LNPEP: variants seen among roughly 807,000 people sequenced by gnomAD.
The protein encoded by LNPEP is leucyl-cystinyl aminopeptidase.
In LNPEP, 64 loss-of-function variants were observed where a neutral mutation model predicts 120.6. The observed-to-expected ratio is 0.53, with a 90% CI of 0.43 to 0.65. LNPEP has a LOEUF of 0.65. Ranked by LOEUF, LNPEP falls within the 30% of genes least tolerant of loss-of-function variation. The pLI, the probability that LNPEP is intolerant of heterozygous loss-of-function variation, is 0.00. For synonymous variants in LNPEP, 435 were observed against 425.4 expected (o/e 1.02, Z -0.28); for missense variants, 1,057 against 1,200.0 (o/e 0.88, Z 1.76).
intron 1 of LNPEP, among the ~76,000 whole-genome samples, chr5:96,977,212 T>C (rs1397097139): frequency 1.3e-5 from 2 of 152,084 alleles, no homozygotes; most frequent in Non-Finnish European, 2.9e-5. Context: ...AAAGTTTATT[T>C]TTTAAAGGTA....
intron 4 of LNPEP, among the ~76,000 whole-genome samples, chr5:96,992,358 TAAAAAC>T (rs1790409572): frequency 6.6e-6 from 1 of 152,058 alleles, no homozygotes; most frequent in African/African-American, 2.4e-5. Context: ...ACATGACCCT[TAAAAAC>T]AAGCCAACAA....
chr5:97,008,467 C>T (rs528404571), intron 11 of LNPEP, among the ~76,000 whole-genome samples: 3 of 147,442 alleles, frequency 2.0e-5, no homozygotes, highest in Non-Finnish European at 4.5e-5. Context: ...CCTCCTGCCT[C>T]AGCCTGCCAA....
chr5:96,985,960 A>G (rs561080710), intron 3 of LNPEP, among the ~76,000 whole-genome samples: 1 of 152,174 alleles, frequency 6.6e-6, no homozygotes, highest in Non-Finnish European at 1.5e-5. Context: ...CTTCACCTTC[A>G]TCTTTCTCTA....
rs1161957201 is a variant in LNPEP, at chr5:97,034,719, AT to A, written c.*6193del. 6.6e-6 allele frequency: 1 copy of A among 151,974 alleles called. No homozygotes were observed. The highest frequency in any genetic ancestry group is 2.4e-5 in the African/African-American group (1 of 41,388). 9.4% of individuals were successfully genotyped at this position (151,974 alleles called of 1,614,324 possible). A position where few individuals can be genotyped will look rare whatever the true frequency, so the allele number is the denominator to read the frequency against. ...TTGAGAGGAAAAGGCAAGATATATAATTTTTTTAATGTATATAAATGTTTTG... is the reference window on the plus strand; with the variant it reads ...TTGAGAGGAAAAGGCAAGATATATAATTTTTTAATGTATATAAATGTTTTG... On this transcript the variant is annotated 3_prime_UTR_variant, in exon 18 of 18. Coordinates refer to ENST00000231368, the MANE Select transcript of LNPEP (RefSeq NM_005575.3).
chr5:97,003,320 T>C (rs1436463864), intron 8 of LNPEP, 95 bp from the exon 9 acceptor site: 1 of 733,006 alleles, frequency 1.4e-6, no homozygotes, highest in Non-Finnish European at 2.1e-6. Flanking sequence ...AAGTAAATTT[T>C]TAGAATGACT....
chr5:97,028,436 C>G lies in LNPEP; in HGVS notation c.2981C>G (p.Thr994Ser). Residue 994 changes from threonine to serine, a missense_variant, in exon 18 of 18, where the codon ACC becomes AGC. Thr to Ser is a moderately conservative substitution (Grantham distance 58). Transcript: ENST00000231368. ...QAFFENQSEATFRLRCVQEAL... is the reference protein window; with the variant it reads ...QAFFENQSEASFRLRCVQEAL... ...TTCTTTGAAAATCAGTCAGAGGCAA[C>G]CTTCCGGCTTCGTTGTGTCCAGGAG... The G allele has an allele frequency of 6.2e-7, 1 of 1,613,902 alleles. No homozygotes were observed. The highest frequency in any genetic ancestry group is 8.5e-7 in the Non-Finnish European group (1 of 1,179,790).
chr5:97,005,553 T>G (rs1790759284), intron 9 of LNPEP, among the ~76,000 whole-genome samples: 1 of 152,166 alleles, frequency 6.6e-6, no homozygotes, highest in African/African-American at 2.4e-5. Flanking sequence ...CTGCCGCTGC[T>G]CCCTGGCACT....
chr5:96,948,278 C>T (rs73152153), intron 1 of LNPEP, among the ~76,000 whole-genome samples: 4,000 of 152,106 alleles, frequency 0.026, 176 homozygotes, highest in African/African-American at 0.092. Context: ...CCACCATGCC[C>T]GGCTAATTTT....
chr5:97,011,247 A>G, intron 11 of LNPEP: 1 of 941,834 alleles, frequency 1.1e-6, no homozygotes, highest in Non-Finnish European at 1.3e-6. Flanking sequence ...TTTATTAGAG[A>G]CAGGGTCCTG....
intron 1 of LNPEP, among the ~76,000 whole-genome samples, chr5:96,976,223 TA>T (rs2112601761): frequency 6.6e-6 from 1 of 152,216 alleles, no homozygotes; most frequent in East Asian, 1.9e-4. Flanking sequence ...TTGATATATT[TA>T]ACTTGATATG....
At chr5:97,006,776 A>G (rs1790797790) in intron 11 of LNPEP, among the ~76,000 whole-genome samples, 1 of 152,226 alleles carries the variant, frequency 6.6e-6, no homozygotes, top group Non-Finnish European at 1.5e-5. Context: ...ATGTTTTTAT[A>G]CCCAAGATTA....
chr5:97,026,371 T>C (rs1228864509), intron 15 of LNPEP, among the ~76,000 whole-genome samples: 1 of 152,216 alleles, frequency 6.6e-6, no homozygotes, highest in Non-Finnish European at 1.5e-5. Flanking sequence ...TAAATGTTTT[T>C]ACTATTTAAA....
chr5:96,993,805 T>C lies in LNPEP; in HGVS notation c.1253-12T>C, dbSNP rs369112334. The C allele has an allele frequency of 1.4e-4, 222 of 1,612,722 alleles. No individual in the cohort carries two copies. The highest frequency in any genetic ancestry group is 5.0e-4 in the Middle Eastern group (3 of 6,040). ...GAGGGAAAGTTGATCACTTATTTCC[T>C]GTTATGTCCAGATTTGGTGGCTATT... On this transcript the variant is annotated splice_polypyrimidine_tract_variant and intron_variant, in intron 5 of 17. Transcript: ENST00000231368.
chr5:96,941,530 A>G (rs560042666), intron 1 of LNPEP, among the ~76,000 whole-genome samples: 2 of 152,208 alleles, frequency 1.3e-5, no homozygotes, highest in African/African-American at 4.8e-5. Flanking sequence ...ACTTTTCTGA[A>G]AGTTTGCAAG....
rs778817575 is a variant in LNPEP at position 96,979,435 on chromosome 5, C to G, written c.317C>G (p.Pro106Arg). ...AGCCCAGATGGGGCTTGTTCAGTACCCTCTGCAAGGACCATGGTGGTCTGT... is the reference window on the plus strand; with the variant it reads ...AGCCCAGATGGGGCTTGTTCAGTACGCTCTGCAAGGACCATGGTGGTCTGT... Reference protein sequence around the residue: ...RQSPDGACSVPSARTMVVCAF... With the variant: ...RQSPDGACSVRSARTMVVCAF... Residue 106 changes from proline to arginine, a missense_variant, in exon 2 of 18, where the codon CCC (proline) becomes CGC (arginine). Coordinates refer to ENST00000231368, the MANE Select transcript of LNPEP (RefSeq NM_005575.3). 2 of 1,614,048 alleles carry G rather than the reference C, an allele frequency of 1.2e-6. No homozygotes were observed. Among genetic ancestry groups the G allele is most frequent in the South Asian group, 1.1e-5 (1 of 91,084 alleles).
intron 4 of LNPEP, 117 bp from the exon 5 acceptor site, chr5:96,992,898 A>T (rs1198146389): frequency 2.9e-6 from 2 of 690,638 alleles, no homozygotes; most frequent in Non-Finnish European, 4.6e-6. Context: ...TTCTATCCAG[A>T]AGGATCTCAT....
chr5:96,939,440 C>T (rs1789000808), intron 1 of LNPEP, among the ~76,000 whole-genome samples: 1 of 152,072 alleles, frequency 6.6e-6, no homozygotes, highest in African/African-American at 2.4e-5. Context: ...CTCCTGACCT[C>T]AAGTGATCCG....
At chr5:97,013,397 A>G (rs890336274) in intron 11 of LNPEP, among the ~76,000 whole-genome samples, 1 of 152,290 alleles carries the variant, frequency 6.6e-6, no homozygotes, top group South Asian at 2.1e-4. Context: ...AAAAGCAGAG[A>G]CATATCTACC....
chr5:96,968,144 C>T (rs1040917024), intron 1 of LNPEP, among the ~76,000 whole-genome samples: 1 of 151,990 alleles, frequency 6.6e-6, no homozygotes, highest in African/African-American at 2.4e-5. Context: ...GCATAATTTC[C>T]TTTTTCCAGG....
Sources: gnomAD v4.1 joint callset for allele counts (sites outside exome capture counted in the v4.1 genomes callset) on GRCh38, gnomAD v4.1.1 for gene constraint, MANE v1.5 for transcripts, NCBI Gene and HGNC (gene_info 2026-07-23, HGNC 2026-07-21) for gene names.